The following MED13L variants were observed in gnomAD, a reference collection of about 807,000 sequenced individuals.
MED13L encodes mediator of RNA polymerase II transcription subunit 13-like.
MED13L carries 7 observed loss-of-function variants against 220.9 expected under a neutral mutation model. The ratio of observed to expected loss-of-function variants is 0.03; its 90% CI spans 0.02 to 0.06. The LOEUF (loss-of-function observed/expected upper bound fraction) is 0.06. Ranked by LOEUF, MED13L falls within the 10% of genes least tolerant of loss-of-function variation. MED13L has a pLI of 1.00. For missense variants in MED13L, 1,965 were observed against 2,760.5 expected (o/e 0.71, Z 6.46); for synonymous variants, 1,011 against 1,015.2 (o/e 1.00, Z 0.08).
intron 2 of MED13L, among the ~76,000 whole-genome samples, chr12:116,176,530 C>T (rs771351619): frequency 1.3e-5 from 2 of 152,030 alleles, no homozygotes; most frequent in Admixed American, 1.3e-4. Context: ...AAGAACTGGC[C>T]TTGGACAGGG....
At chr12:116,120,465 TCTCTCTCTCTCTCACACACA>T (rs1237076413) in intron 2 of MED13L, among the ~76,000 whole-genome samples, 1 of 137,612 alleles carries the variant, frequency 7.3e-6, no homozygotes, top group African/African-American at 2.8e-5. Context: ...TCTCTCTCTC[TCTCTCTCTCTCTCACACACA>T]CACACACACA....
chr12:116,156,854 G>T (rs1035224671), intron 2 of MED13L, among the ~76,000 whole-genome samples: 1 of 152,102 alleles, frequency 6.6e-6, no homozygotes, highest in African/African-American at 2.4e-5. Flanking sequence ...CTGTGATGTG[G>T]ACACACAATG....
intron 22 of MED13L, 79 bp from the exon 23 acceptor site, chr12:115,981,017 A>G (rs1877291125): frequency 7.9e-7 from 1 of 1,261,880 alleles, no homozygotes. Flanking sequence ...AGCAAGCTGA[A>G]AAAGGAAACG....
intron 4 of MED13L, among the ~76,000 whole-genome samples, chr12:116,031,527 G>A (rs1880734258): frequency 6.8e-6 from 1 of 147,026 alleles, no homozygotes; most frequent in Non-Finnish European, 1.5e-5. Flanking sequence ...AGGAGGTGGA[G>A]CTTGCAAGAA....
chr12:116,234,371 G>A (rs909158885), intron 2 of MED13L, among the ~76,000 whole-genome samples: 2 of 151,860 alleles, frequency 1.3e-5, no homozygotes, highest in African/African-American at 4.8e-5. Flanking sequence ...GGGATTACAG[G>A]CACCCACCAC....
intron 4 of MED13L, among the ~76,000 whole-genome samples, chr12:116,038,261 G>T (rs769243761): frequency 6.6e-6 from 1 of 151,868 alleles, no homozygotes; most frequent in Non-Finnish European, 1.5e-5. Flanking sequence ...CATGGGGGAT[G>T]ATGAGGAACC....
chr12:116,257,104 T>A (rs1872126637), intron 1 of MED13L, among the ~76,000 whole-genome samples: 1 of 152,242 alleles, frequency 6.6e-6, no homozygotes, highest in Non-Finnish European at 1.5e-5. Flanking sequence ...AGGACACTGA[T>A]TAAATGATTT....
chr12:116,105,532 C>A (rs1488909721), intron 3 of MED13L, among the ~76,000 whole-genome samples: 2 of 152,174 alleles, frequency 1.3e-5, no homozygotes, highest in Non-Finnish European at 2.9e-5. Context: ...TGTATACTCT[C>A]AGATACTGAA....
chr12:116,103,323 G>A (rs1047087910), intron 3 of MED13L, among the ~76,000 whole-genome samples: 1 of 152,212 alleles, frequency 6.6e-6, no homozygotes, highest in Non-Finnish European at 1.5e-5. Context: ...GCAGATCAGA[G>A]CTCACTACAG....
At chr12:116,029,624 C>T (rs138233796) in intron 4 of MED13L, among the ~76,000 whole-genome samples, 26 of 151,976 alleles carry the variant, frequency 1.7e-4, no homozygotes, top group Admixed American at 3.3e-4. Context: ...AATAAAACAA[C>T]GAAATATTTT....
At chr12:116,123,280 TAAAC>T in intron 2 of MED13L, among the ~76,000 whole-genome samples, 1 of 152,266 alleles carries the variant, frequency 6.6e-6, no homozygotes, top group Non-Finnish European at 1.5e-5. Context: ...GATCCTATAT[TAAAC>T]AAGGCTGTAT....
intron 5 of MED13L, among the ~76,000 whole-genome samples, chr12:116,021,586 G>A (rs750532073): frequency 6.6e-6 from 1 of 152,056 alleles, no homozygotes; most frequent in Non-Finnish European, 1.5e-5. Context: ...ATACAATGGA[G>A]GCTAAATGCT....
chr12:116,136,138 T>C (rs1876531415), intron 2 of MED13L, among the ~76,000 whole-genome samples: 1 of 152,142 alleles, frequency 6.6e-6, no homozygotes, highest in South Asian at 2.1e-4. Flanking sequence ...TCTGACCTCA[T>C]GATCCACCTG....
At chr12:116,159,221 A>G (rs2138128198) in intron 2 of MED13L, among the ~76,000 whole-genome samples, 1 of 152,322 alleles carries the variant, frequency 6.6e-6, no homozygotes, top group Admixed American at 6.5e-5. Flanking sequence ...ACTGAATACT[A>G]CAGGATCAAA....
rs541694076 is a variant in MED13L at position 116,199,332 on chromosome 12, T to C, written c.310+38136A>G. Among the ~76,000 whole-genome samples, 9 of 152,320 alleles carry C rather than the reference T, an allele frequency of 5.9e-5. No individual in the cohort carries two copies. The South Asian group carries it at 1.4e-3, about 25-fold the overall frequency. On this transcript the variant is annotated intron_variant, in intron 2 of 30. Transcript: ENST00000281928. ...ACTATGTAAACCCAATCTCAGCCAT[T>C]TCTGCTTAAGAAAATCAAAAAGAGA...
intron 3 of MED13L, among the ~76,000 whole-genome samples, chr12:116,107,687 G>A (rs1463106757): frequency 6.6e-6 from 1 of 152,112 alleles, no homozygotes; most frequent in African/African-American, 2.4e-5. Flanking sequence ...ATAAAAAGCA[G>A]AAATAATAGA....
intron 2 of MED13L, among the ~76,000 whole-genome samples, chr12:116,123,322 T>C (rs1875253666): frequency 1.3e-5 from 2 of 152,170 alleles, no homozygotes; most frequent in Non-Finnish European, 2.9e-5. Flanking sequence ...AAAACCAATA[T>C]TTTTAAAACA....
At chr12:115,990,487 T>C (rs1259908457) in intron 17 of MED13L, among the ~76,000 whole-genome samples, 1 of 152,228 alleles carries the variant, frequency 6.6e-6, no homozygotes, top group African/African-American at 2.4e-5. Context: ...CTTGGCACTC[T>C]TACAGCCCAA....
chr12:116,237,609 G>T lies in MED13L; in HGVS notation c.169C>A (p.Leu57Met). The T allele has an allele frequency of 6.2e-7, 1 of 1,614,174 alleles. No individual in the cohort carries two copies. Among genetic ancestry groups the T allele is most frequent in the Non-Finnish European group, 8.5e-7 (1 of 1,180,040 alleles). The change falls in exon 2 of 31, where the codon CTG (leucine) becomes ATG (methionine). Residue 57 changes from leucine to methionine, a missense_variant. This residue lies in a region of MED13L where 818 missense variants were observed against 1,041.2 expected (regional missense o/e 0.79). Transcript: ENST00000281928. ...TGCAGACAGCGGATGAAACTTAACA[G>T]AATTGGATCATCTTGGGCTGGGGCT... ...ISAPAQDDPI[L>M]LSFIRCLQAN...
Sources: allele counts gnomAD v4.1 joint callset (sites outside exome capture counted in the v4.1 genomes callset), GRCh38; gene constraint gnomAD v4.1.1; regional missense constraint gnomAD v4.1.1; transcripts MANE v1.5; gene names NCBI Gene and HGNC (gene_info 2026-07-23, HGNC 2026-07-21).